MYL4: variants seen among roughly 807,000 people sequenced by gnomAD.
MYL4 encodes the protein atrial myosin light chain 1.
A neutral mutation model predicts 21.6 loss-of-function variants in MYL4; 16 were observed. The observed-to-expected ratio is 0.74, with a 90% CI of 0.50 to 1.12. MYL4 has a LOEUF of 1.12. Among genes scored for constraint, MYL4 ranks in the 50% most tolerant of loss-of-function variants. The pLI, the probability that MYL4 is intolerant of heterozygous loss-of-function variation, is 0.00. For missense variants in MYL4, 249 were observed against 252.9 expected (o/e 0.98, Z 0.11); for synonymous variants, 82 against 95.7 (o/e 0.86, Z 0.83).
Position 47,219,952 on chromosome 17 carries a change from T to G in MYL4, c.212T>G (p.Met71Arg), listed in dbSNP as rs527647806. 86 of 1,614,160 alleles carry G rather than the reference T, an allele frequency of 5.3e-5. No individual in the cohort carries two copies. In the East Asian group the frequency reaches 1.7e-3, roughly 32 times the overall value. ...TTTGACCGGACCCCGACTGGAGAGA[T>G]GAAGATCACCTACGGCCAGTGCGGG... ...SLFDRTPTGEMKITYGQCGDV... is the reference protein window; with the variant it reads ...SLFDRTPTGERKITYGQCGDV... The change falls in exon 3 of 7, where the codon ATG becomes AGG. Residue 71 changes from methionine (M) to arginine (R), a missense_variant. Coordinates refer to ENST00000393450, the MANE Select transcript of MYL4 (RefSeq NM_002476.2).
intron 6 of MYL4, chr17:47,223,269 C>T: frequency 1.8e-6 from 1 of 558,742 alleles, no homozygotes; most frequent in African/African-American, 1.9e-5. Flanking sequence ...TCAGTCACAT[C>T]CTCTTGCCTC....
intron 1 of MYL4, among the ~76,000 whole-genome samples, chr17:47,211,717 T>G (rs2064777091): frequency 6.6e-6 from 1 of 152,132 alleles, no homozygotes; most frequent in South Asian, 2.1e-4. Flanking sequence ...AGCTCATGGC[T>G]GCCATATCTG....
downstream of MYL4, among the ~76,000 whole-genome samples, chr17:47,225,928 T>C (rs1213263702): frequency 1.3e-5 from 2 of 149,378 alleles, no homozygotes; most frequent in Admixed American, 1.3e-4. Context: ...GTTTGTTACA[T>C]AGGTAAATTG....
At chr17:47,207,795 G>T (rs1056182360), upstream of MYL4, among the ~76,000 whole-genome samples, 2 of 151,980 alleles carry the variant, frequency 1.3e-5, no homozygotes, top group Non-Finnish European at 2.9e-5. Flanking sequence ...GTAAATGCTC[G>T]TTATAAAAAT....
chr17:47,190,686 G>A, the MYL4 span, among the ~76,000 whole-genome samples: 1 of 152,204 alleles, frequency 6.6e-6, no homozygotes, highest in African/African-American at 2.4e-5. Context: ...TGGCTGCCCT[G>A]TGCCCAGTTG....
upstream of MYL4, among the ~76,000 whole-genome samples, chr17:47,204,101 C>CTGT (rs200400948): frequency 0.016 from 2,466 of 152,352 alleles, 54 homozygotes; most frequent in African/African-American, 0.056. Flanking sequence ...CAGTGCTTTG[C>CTGT]TGTTACTCTT....
intron 2 of MYL4, 193 bp downstream of exon 2, chr17:47,214,019 T>C: frequency 1.6e-6 from 1 of 607,006 alleles, no homozygotes; most frequent in Non-Finnish European, 3.0e-6. Flanking sequence ...ACTCCTTTAA[T>C]TCTCATAACA....
chr17:47,217,732 T>C (rs1202951975), intron 2 of MYL4, among the ~76,000 whole-genome samples: 3 of 152,156 alleles, frequency 2.0e-5, no homozygotes, highest in East Asian at 1.9e-4. Context: ...AATTTGAATG[T>C]AATTTAAGAA....
chr17:47,221,115 T>C (rs1033540620), intron 3 of MYL4, among the ~76,000 whole-genome samples: 1 of 152,246 alleles, frequency 6.6e-6, no homozygotes, highest in African/African-American at 2.4e-5. Context: ...AATTAAAGCC[T>C]TTTAAATACA....
chr17:47,197,960 G>A (rs1354339471), upstream of MYL4, among the ~76,000 whole-genome samples: 1 of 152,174 alleles, frequency 6.6e-6, no homozygotes. Context: ...AAAACCTTTG[G>A]GTTCCTGGCT....
At position 47,222,354 on chromosome 17, in the gene MYL4, C is replaced by T. The variant is rs113572457; in HGVS notation, c.488-26C>T. 4,341 of 1,609,722 alleles carry T rather than the reference C, an allele frequency of 2.7e-3. 113 individuals are homozygous for T. The African/African-American group carries it at 0.051, about 19-fold the overall frequency. On this transcript the variant is annotated intron_variant, in intron 4 of 6. Transcript: ENST00000393450. ...CTCCTTTGCCATCTGTAATTAAGAG[C>T]GCACCACCTCCCAAACCCACCGCAG...
intron 5 of MYL4, 103 bp downstream of exon 5, chr17:47,222,560 G>A: frequency 9.9e-7 from 1 of 1,007,490 alleles, no homozygotes; most frequent in Non-Finnish European, 1.5e-6. Context: ...TCTGAGGTGG[G>A]TTTTTGTAGA....
downstream of MYL4, among the ~76,000 whole-genome samples, chr17:47,226,190 T>C (rs754172570): frequency 2.0e-5 from 3 of 152,204 alleles, no homozygotes; most frequent in Non-Finnish European, 4.4e-5. Context: ...CAGGGATAAA[T>C]AGAGAATGAT....
upstream of MYL4, among the ~76,000 whole-genome samples, chr17:47,206,133 C>G (rs565204062): frequency 6.6e-6 from 1 of 152,298 alleles, no homozygotes; most frequent in Non-Finnish European, 1.5e-5. Flanking sequence ...GGTCCTGAGG[C>G]TACTAAGGCC....
intron 1 of MYL4, 120 bp downstream of exon 1, chr17:47,209,677 C>T: frequency 6.7e-7 from 1 of 1,488,906 alleles, no homozygotes; most frequent in African/African-American, 1.4e-5. Context: ...GTGTCCATGC[C>T]CCAGATCGCA....
At chr17:47,196,886 GT>G (rs1355855336), upstream of MYL4, among the ~76,000 whole-genome samples, 3 of 151,970 alleles carry the variant, frequency 2.0e-5, no homozygotes, top group East Asian at 5.8e-4. Context: ...AATATTTTTT[GT>G]TGTTGTTGTT....
downstream of MYL4, among the ~76,000 whole-genome samples, chr17:47,227,515 T>C (rs2064889872): frequency 6.6e-6 from 1 of 152,168 alleles, no homozygotes; most frequent in South Asian, 2.1e-4. Context: ...TGAATGTGCC[T>C]GTCCCTCCTG....
intron 1 of MYL4, among the ~76,000 whole-genome samples, chr17:47,212,965 G>T (rs749572582): frequency 6.6e-6 from 1 of 152,200 alleles, no homozygotes; most frequent in Non-Finnish European, 1.5e-5. Context: ...TGAAGGAGGG[G>T]TTGGAGTGGG....
At chr17:47,203,835 G>C (rs115023136) in intron 1 of MYL4, among the ~76,000 whole-genome samples, 2,463 of 152,256 alleles carry the variant, frequency 0.016, 55 homozygotes, top group African/African-American at 0.056. Context: ...AACCGAGAAT[G>C]CTTGGCTCCC....
Sources: allele counts gnomAD v4.1 joint callset (sites outside exome capture counted in the v4.1 genomes callset), GRCh38; gene constraint gnomAD v4.1.1; transcripts MANE v1.5; gene names NCBI Gene and HGNC (gene_info 2026-07-23, HGNC 2026-07-21).